Variants in PTPRN2 observed in about 807,000 individuals in gnomAD.
The protein encoded by PTPRN2 is receptor-type tyrosine-protein phosphatase N2.
A neutral mutation model predicts 118.8 loss-of-function variants in PTPRN2; 74 were observed. That is an observed-to-expected ratio of 0.62 (90% CI 0.52 to 0.76). The LOEUF is 0.76. Among genes scored for constraint, PTPRN2 ranks in the 30% least tolerant of loss-of-function variants. PTPRN2 has a pLI of 0.00. For synonymous variants in PTPRN2, 641 were observed against 608.0 expected (o/e 1.05, Z -0.80); for missense variants, 1,481 against 1,394.4 (o/e 1.06, Z -0.99).
At chr7:157,575,071 A>G (rs1799958650) in intron 19 of PTPRN2, among the ~76,000 whole-genome samples, 1 of 152,220 alleles carries the variant, frequency 6.6e-6, no homozygotes, top group South Asian at 2.1e-4. Flanking sequence ...GTGATGAATC[A>G]TAAACACTGA....
intron 12 of PTPRN2, among the ~76,000 whole-genome samples, chr7:157,707,193 A>AGACG (rs1798375770): frequency 1.3e-5 from 1 of 78,456 alleles, no homozygotes; most frequent in African/African-American, 5.7e-5. Flanking sequence ...GATACAGCAT[A>AGACG]CACGCACACA....
At chr7:157,723,157 A>T (rs1304258838) in intron 12 of PTPRN2, among the ~76,000 whole-genome samples, 1 of 152,244 alleles carries the variant, frequency 6.6e-6, no homozygotes, top group Non-Finnish European at 1.5e-5. Flanking sequence ...TGAGAAAGCC[A>T]GCATCTGAGG....
chr7:158,146,908 G>C (rs1024398573), intron 6 of PTPRN2, among the ~76,000 whole-genome samples: 2 of 151,578 alleles, frequency 1.3e-5, no homozygotes, highest in African/African-American at 2.4e-5. Context: ...ATCCTGTGAA[G>C]AGACTGAATG....
intron 2 of PTPRN2, among the ~76,000 whole-genome samples, chr7:158,337,742 C>G (rs1161590461): frequency 1.5e-4 from 22 of 144,238 alleles, no homozygotes; most frequent in Middle Eastern, 3.6e-3. Context: ...CACAACCACA[C>G]TCTCACCATA....
intron 11 of PTPRN2, among the ~76,000 whole-genome samples, chr7:157,963,432 TTTA>T (rs1266505835): frequency 1.3e-5 from 2 of 152,258 alleles, no homozygotes; most frequent in East Asian, 3.8e-4. Context: ...TTGGTTTGGT[TTTA>T]TTATTTCTTG....
chr7:158,092,253 C>T (rs1814248387), intron 10 of PTPRN2, among the ~76,000 whole-genome samples: 1 of 142,784 alleles, frequency 7.0e-6, no homozygotes. Flanking sequence ...TACATATATA[C>T]ATGTGCATAT....
chr7:158,190,855 A>G (rs1362896700), intron 5 of PTPRN2, among the ~76,000 whole-genome samples: 2 of 152,268 alleles, frequency 1.3e-5, no homozygotes, highest in Non-Finnish European at 2.9e-5. Context: ...TCATTGTGAC[A>G]TCCTCCTGAA....
Position 158,574,557 on chromosome 7 carries a change from A to G in PTPRN2, c.112+13001T>C, listed in dbSNP as rs1828220470. ...CAGTGAGGGCCCAAGAGCCCTGTCC[A>G]GGGCTTGGGCTTCCTTCCTAAGGTT... is the stretch of plus-strand genomic sequence containing the variant. On this transcript the variant is annotated intron_variant, in intron 1 of 22. Coordinates refer to ENST00000389418, the MANE Select transcript of PTPRN2 (RefSeq NM_002847.5). The surrounding 1 kb of genome is among the most constrained non-coding windows in gnomAD (Gnocchi z 4.6). Among the ~76,000 whole-genome samples the G allele has an allele frequency of 6.6e-6, 1 of 152,342 alleles. No homozygotes were observed. Among genetic ancestry groups the G allele is most frequent in the African/African-American group, 2.4e-5 (1 of 41,586 alleles).
intron 2 of PTPRN2, among the ~76,000 whole-genome samples, chr7:158,419,517 C>G (rs1318043545): frequency 1.3e-5 from 2 of 152,150 alleles, no homozygotes; most frequent in Non-Finnish European, 2.9e-5. Context: ...CAGACCCTTC[C>G]ACATGGGAAG....
intron 1 of PTPRN2, among the ~76,000 whole-genome samples, chr7:158,558,694 C>A (rs1483090811): frequency 1.3e-5 from 2 of 148,530 alleles, no homozygotes; most frequent in Non-Finnish European, 3.0e-5. Flanking sequence ...GAGCAGGATT[C>A]TCCTCAGTAT....
intron 11 of PTPRN2, among the ~76,000 whole-genome samples, chr7:157,997,326 G>A (rs1424511060): frequency 1.3e-5 from 2 of 152,262 alleles, no homozygotes; most frequent in Non-Finnish European, 2.9e-5. Context: ...GATGGGGCAG[G>A]CCCCACAGGG....
chr7:158,184,407 T>C (rs1018352100), intron 5 of PTPRN2, among the ~76,000 whole-genome samples: 2 of 152,254 alleles, frequency 1.3e-5, no homozygotes, highest in African/African-American at 2.4e-5. Context: ...GTTGCTAGTA[T>C]ACAGAAATAA....
intron 3 of PTPRN2, among the ~76,000 whole-genome samples, chr7:158,258,627 G>T (rs1343137456): frequency 6.6e-6 from 1 of 152,174 alleles, no homozygotes; most frequent in African/African-American, 2.4e-5. Flanking sequence ...ACAGCTTTGG[G>T]GGAGATTTCA....
chr7:157,828,100 A>G (rs1373987030), intron 12 of PTPRN2, among the ~76,000 whole-genome samples: 1 of 151,864 alleles, frequency 6.6e-6, no homozygotes, highest in Non-Finnish European at 1.5e-5. Context: ...CCTGACATTA[A>G]TTTTCCCCAC....
chr7:158,301,664 A>G (rs1344489524), intron 3 of PTPRN2, among the ~76,000 whole-genome samples: 1 of 152,124 alleles, frequency 6.6e-6, no homozygotes, highest in Non-Finnish European at 1.5e-5. Flanking sequence ...GAACAATCCC[A>G]TTTGCTGGGC....
chr7:158,334,838 G>A (rs1224410554), intron 2 of PTPRN2, among the ~76,000 whole-genome samples: 1 of 46,570 alleles, frequency 2.1e-5, no homozygotes, highest in African/African-American at 8.1e-5. Flanking sequence ...CATAAGAGGT[G>A]ACACCTGCAG....
chr7:158,412,756 C>T (rs1814257230), intron 2 of PTPRN2, among the ~76,000 whole-genome samples: 1 of 126,598 alleles, frequency 7.9e-6, no homozygotes, highest in African/African-American at 3.1e-5. Context: ...CCCAGCTCAG[C>T]ACCCTCCTCA....
chr7:158,561,931 A>C lies in PTPRN2; in HGVS notation c.112+25627T>G. On this transcript the variant is annotated intron_variant, in intron 1 of 22. Coordinates refer to ENST00000389418, the MANE Select transcript of PTPRN2 (RefSeq NM_002847.5). ...CAGCCCAGCAAGCGTGGTCCCCAAGAAGAGGAACACTGAGAGGAAGCTCAC... is the reference window on the plus strand; with the variant it reads ...CAGCCCAGCAAGCGTGGTCCCCAAGCAGAGGAACACTGAGAGGAAGCTCAC... Among the ~76,000 whole-genome samples, 2 of 152,162 alleles carry C rather than the reference A, an allele frequency of 1.3e-5. 1 individual carries two copies. The highest frequency in any genetic ancestry group is 3.9e-4 in the East Asian group (2 of 5,180).
rs1318402487 is a variant in PTPRN2 at position 158,522,439 on chromosome 7, G to C, written c.113-32654C>G. Among the ~76,000 whole-genome samples the C allele has an allele frequency of 7.2e-4, 109 of 150,886 alleles. 4 individuals are homozygous for C. The highest frequency in any genetic ancestry group is 2.0e-3 in the African/African-American group (81 of 40,910). On this transcript the variant is annotated intron_variant, in intron 1 of 22. Transcript: ENST00000389418. ...TGGCTCAGGGGGAAGGTCCACATCG[G>C]AATGGTAGACTGTTTAGGAGAAAGG...
Sources: allele counts gnomAD v4.1 joint callset (sites outside exome capture counted in the v4.1 genomes callset), GRCh38; gene constraint gnomAD v4.1.1; non-coding constraint Gnocchi (gnomAD v3.1); transcripts MANE v1.5; gene names NCBI Gene and HGNC (gene_info 2026-07-23, HGNC 2026-07-21).